The following PLD1 variants were observed in gnomAD, a reference collection of about 807,000 sequenced individuals.
PLD1 encodes choline phosphatase 1.
PLD1 carries 112 observed loss-of-function variants against 137.1 expected under a neutral mutation model. That is an observed-to-expected ratio of 0.82 (90% CI 0.70 to 0.96). The LOEUF (loss-of-function observed/expected upper bound fraction) is 0.96, where lower values mean the gene tolerates loss of function less well. Ranked by LOEUF, PLD1 falls within the 40% of genes least tolerant of loss-of-function variation. The pLI is 0.00. For missense variants in PLD1, 1,321 were observed against 1,342.0 expected (o/e 0.98, Z 0.24); for synonymous variants, 431 against 454.7 (o/e 0.95, Z 0.66).
At chr3:171,789,444 T>G in intron 1 of PLD1, 1 of 152,246 alleles carries the variant, frequency 6.6e-6, no homozygotes, top group Non-Finnish European at 1.5e-5. Context: ...TAATTTATGC[T>G]TCAGAAAGAT....
At position 171,687,462 on chromosome 3, in the gene PLD1, T is replaced by G; in HGVS notation, c.1662A>C (p.Pro554=). The change falls in exon 15 of 27, where the codon CCA becomes CCC. Residue 554 remains proline (P), a synonymous_variant. Coordinates refer to ENST00000351298, the MANE Select transcript of PLD1 (RefSeq NM_002662.5). ...AGAGACTAAATTTGGAGAACTTTCT[T>G]GGCTTTCCTATTCCTTTCAGTTTTG... ...VDSKLKGIGK[P]RKFSKFSLYK... 6.2e-7 allele frequency: 1 copy of G among 1,614,182 alleles called. No individual in the cohort carries two copies. The highest frequency in any genetic ancestry group is 8.5e-7 in the Non-Finnish European group (1 of 1,180,026).
intron 9 of PLD1, among the ~76,000 whole-genome samples, chr3:171,712,558 G>A (rs762922174): frequency 3.9e-5 from 6 of 152,206 alleles, no homozygotes; most frequent in South Asian, 2.1e-4. Flanking sequence ...CCTGCAAGGC[G>A]TATTAGGGAG....
In PLD1 at chr3:171,707,733, TG is replaced by T. The variant is rs749386807; in HGVS notation, c.1145+1021del. Among the ~76,000 whole-genome samples the T allele has an allele frequency of 9.8e-5, 15 of 152,306 alleles. 1 individual carries two copies. Among genetic ancestry groups the T allele is most frequent in the South Asian group, 8.3e-4 (4 of 4,828 alleles). On this transcript the variant is annotated intron_variant, in intron 11 of 26. Transcript: ENST00000351298. ...GTGGTCACAACTGGGAACTTACTAC[TG>T]GTACCTAGTGGATGCCGCTAAACAC...
At chr3:171,774,239 G>T (rs749610195) in intron 1 of PLD1, among the ~76,000 whole-genome samples, 2 of 152,170 alleles carry the variant, frequency 1.3e-5, no homozygotes, top group Non-Finnish European at 2.9e-5. Flanking sequence ...ATGCAAGGGC[G>T]GGGGAGACAG....
rs143210724 is a variant in PLD1 at position 171,805,930 on chromosome 3, C to T, written c.-32+4469G>A. Among the ~76,000 whole-genome samples, 8 of 152,220 alleles carry T rather than the reference C, an allele frequency of 5.3e-5. No individual in the cohort carries two copies. In the East Asian group the frequency reaches 7.7e-4, roughly 15 times the overall value. Reference sequence around the variant, plus strand: ...TGGCTCATGCCTGTGAATCCCAGCACGTTTGGAAGCCAAGGTAGGAGGACC... The same window carrying T: ...TGGCTCATGCCTGTGAATCCCAGCATGTTTGGAAGCCAAGGTAGGAGGACC... On this transcript the variant is annotated intron_variant, in intron 1 of 26. Transcript: ENST00000351298.
chr3:171,679,217 A>G (rs958988946), intron 16 of PLD1, among the ~76,000 whole-genome samples: 3 of 152,232 alleles, frequency 2.0e-5, no homozygotes, highest in Admixed American at 2.0e-4. Context: ...TTTTTATGTA[A>G]TCACCACACA....
At chr3:171,653,534 C>G (rs903214038) in intron 21 of PLD1, 1 of 152,148 alleles carries the variant, frequency 6.6e-6, no homozygotes, top group African/African-American at 2.4e-5. Context: ...ACATGATGAA[C>G]AACAGCCAGT....
intron 24 of PLD1, among the ~76,000 whole-genome samples, chr3:171,617,317 G>A (rs1405750791): frequency 6.6e-6 from 1 of 152,140 alleles, no homozygotes; most frequent in African/African-American, 2.4e-5. Context: ...TTTAAATCCT[G>A]AGACTCATGA....
At chr3:171,745,999 GC>G (rs1720134898) in intron 1 of PLD1, among the ~76,000 whole-genome samples, 1 of 141,670 alleles carries the variant, frequency 7.1e-6, no homozygotes, top group African/African-American at 2.8e-5. Context: ...GGCGCCACCG[GC>G]CCCGGGCAGT....
At chr3:171,605,545 G>T (rs1037129900) in intron 25 of PLD1, 129 bp from the exon 26 acceptor site, 12 of 650,906 alleles carry the variant, frequency 1.8e-5, no homozygotes, top group Non-Finnish European at 3.3e-5. Flanking sequence ...CCATGACCTA[G>T]CTACTCTCAT....
rs1321823497 is a variant in PLD1 at position 171,736,183 on chromosome 3, A to C, written c.289-546T>G. On this transcript the variant is annotated intron_variant, in intron 3 of 26. Coordinates refer to ENST00000351298, the MANE Select transcript of PLD1 (RefSeq NM_002662.5). ...CCCTAAGGAACCACCAGTGTTAAGGAGGGGTGGGTGGAAAAAGTGACTGCA... is the reference window on the plus strand; with the variant it reads ...CCCTAAGGAACCACCAGTGTTAAGGCGGGGTGGGTGGAAAAAGTGACTGCA... Among the ~76,000 whole-genome samples the C allele has an allele frequency of 2.0e-5, 3 of 152,146 alleles. No individual in the cohort carries two copies. The East Asian group carries it at 5.8e-4, about 29-fold the overall frequency.
At chr3:171,633,229 TG>T (rs1329178843) in intron 23 of PLD1, among the ~76,000 whole-genome samples, 1 of 152,174 alleles carries the variant, frequency 6.6e-6, no homozygotes, top group Non-Finnish European at 1.5e-5. Context: ...TGCCTTGACA[TG>T]TAATAGGTAC....
intron 1 of PLD1, among the ~76,000 whole-genome samples, chr3:171,802,647 G>A (rs1723693342): frequency 6.6e-6 from 1 of 152,172 alleles, no homozygotes; most frequent in African/African-American, 2.4e-5. Flanking sequence ...TTACACAGAC[G>A]CTAAAGTAGA....
At chr3:171,627,264 G>A (rs1734203888) in intron 23 of PLD1, among the ~76,000 whole-genome samples, 1 of 152,070 alleles carries the variant, frequency 6.6e-6, no homozygotes, top group Non-Finnish European at 1.5e-5. Context: ...AGACAAAGAA[G>A]GCCATTACAT....
intron 23 of PLD1, among the ~76,000 whole-genome samples, chr3:171,638,184 CAAAAAAAAA>C (rs1040418705): frequency 1.5e-5 from 1 of 66,816 alleles, no homozygotes; most frequent in East Asian, 5.1e-4. Context: ...GACTCCGTCT[CAAAAAAAAA>C]AAAAAAAAAA....
At chr3:171,775,932 A>C (rs370005884) in intron 1 of PLD1, among the ~76,000 whole-genome samples, 1 of 152,250 alleles carries the variant, frequency 6.6e-6, no homozygotes, top group East Asian at 1.9e-4. Flanking sequence ...TAGCTCTGCG[A>C]AAAGGGGGAC....
intron 12 of PLD1, among the ~76,000 whole-genome samples, chr3:171,692,803 G>A (rs993323231): frequency 1.1e-4 from 16 of 152,114 alleles, no homozygotes; most frequent in Non-Finnish European, 2.1e-4. Flanking sequence ...TTACAGGCAT[G>A]AGCCACTGCA....
chr3:171,788,527 A>G (rs973587480), intron 1 of PLD1: 2 of 152,176 alleles, frequency 1.3e-5, no homozygotes, highest in African/African-American at 4.8e-5. Flanking sequence ...CCGTCTCTCT[A>G]TTAGCTTCCC....
rs574786355 is a variant in PLD1 at position 171,766,219 on chromosome 3, GA to G, written c.-31-28138del. On this transcript the variant is annotated intron_variant, in intron 1 of 26. Coordinates refer to ENST00000351298, the MANE Select transcript of PLD1 (RefSeq NM_002662.5). ...AGTTTTAGAGCCAATACCTTAAATAGATTAAGAGTAATGTTAGTCTACTATT... is the reference window on the plus strand; with the variant it reads ...AGTTTTAGAGCCAATACCTTAAATAGTTAAGAGTAATGTTAGTCTACTATT... Among the ~76,000 whole-genome samples the G allele has an allele frequency of 4.7e-4, 71 of 152,208 alleles. 2 individuals carry two copies. In the South Asian group the frequency reaches 0.015, roughly 32 times the overall value.
Sources: gnomAD v4.1 joint callset for allele counts (sites outside exome capture counted in the v4.1 genomes callset) on GRCh38, gnomAD v4.1.1 for gene constraint, MANE v1.5 for transcripts, NCBI Gene and HGNC (gene_info 2026-07-23, HGNC 2026-07-21) for gene names.